Variants in XKR9 observed in about 807,000 individuals in gnomAD.
The protein encoded by XKR9 is XK-related protein 9.
XKR9 carries 32 observed loss-of-function variants against 32.0 expected under a neutral mutation model. The ratio of observed to expected loss-of-function variants is 1.00; its 90% CI spans 0.76 to 1.34. XKR9 has a LOEUF of 1.34. XKR9 is among the 40% of genes most tolerant of loss of function. XKR9 has a pLI of 0.00. For missense variants in XKR9, 546 were observed against 429.7 expected (o/e 1.27, Z -2.39); for synonymous variants, 168 against 143.4 (o/e 1.17, Z -1.22).
intron 2 of XKR9, among the ~76,000 whole-genome samples, chr8:70,757,357 T>A (rs1052613820): frequency 6.6e-6 from 1 of 152,192 alleles, no homozygotes; most frequent in African/African-American, 2.4e-5. Context: ...TCAATTTATC[T>A]TCCAGTTTGC....
chr8:70,703,234 A>AT (rs1422702079), intron 3 of XKR9, among the ~76,000 whole-genome samples: 6 of 141,076 alleles, frequency 4.3e-5, no homozygotes, highest in East Asian at 2.1e-4. Flanking sequence ...TGTTTTGTTC[A>AT]TTTTTTTTTC....
the XKR9 span, among the ~76,000 whole-genome samples, chr8:70,955,089 C>T: frequency 6.6e-6 from 1 of 152,182 alleles, no homozygotes; most frequent in Non-Finnish European, 1.5e-5. Flanking sequence ...AATTAAGAAA[C>T]TTCTGTTTCA....
the XKR9 span, among the ~76,000 whole-genome samples, chr8:71,021,526 G>C: frequency 7.9e-6 from 1 of 126,760 alleles, no homozygotes; most frequent in Non-Finnish European, 1.6e-5. Flanking sequence ...TTTTTGAGAC[G>C]GAGTTTCGCT....
chr8:70,827,004 T>C, the XKR9 span, among the ~76,000 whole-genome samples: 13 of 152,148 alleles, frequency 8.5e-5, no homozygotes, highest in Non-Finnish European at 4.4e-5. Context: ...TTTTAAAATT[T>C]GTTGTACATA....
the XKR9 span, among the ~76,000 whole-genome samples, chr8:70,845,362 A>G: frequency 6.6e-6 from 1 of 152,246 alleles, no homozygotes; most frequent in Admixed American, 6.5e-5. Flanking sequence ...ATCAGTGAAA[A>G]GACACAAGAA....
At chr8:70,698,977 A>T (rs1586828418) in intron 3 of XKR9, among the ~76,000 whole-genome samples, 1 of 152,098 alleles carries the variant, frequency 6.6e-6, no homozygotes, top group South Asian at 2.1e-4. Flanking sequence ...GTTGGTTTAA[A>T]GTCTCTTTTA....
At chr8:70,732,044 CACGACT>C (rs1175829497) in intron 4 of XKR9, among the ~76,000 whole-genome samples, 1 of 152,130 alleles carries the variant, frequency 6.6e-6, no homozygotes, top group Non-Finnish European at 1.5e-5. Flanking sequence ...GAGAGCCAAC[CACGACT>C]CCCAGGAGCT....
At chr8:70,873,127 C>T in the XKR9 span, among the ~76,000 whole-genome samples, 2 of 152,172 alleles carry the variant, frequency 1.3e-5, no homozygotes, top group Non-Finnish European at 2.9e-5. Flanking sequence ...TTTAAGCCCA[C>T]TGTTAAGACC....
intron 3 of XKR9, among the ~76,000 whole-genome samples, chr8:70,699,284 T>C (rs1391939005): frequency 6.6e-6 from 1 of 152,226 alleles, no homozygotes; most frequent in East Asian, 1.9e-4. Context: ...GCCTCGATGG[T>C]CTTTACAATT....
At chr8:70,969,095 C>G in the XKR9 span, among the ~76,000 whole-genome samples, 1 of 152,258 alleles carries the variant, frequency 6.6e-6, no homozygotes, top group African/African-American at 2.4e-5. Context: ...AGTTTATGAT[C>G]ATATTCCTTT....
At chr8:70,819,295 T>A in the XKR9 span, among the ~76,000 whole-genome samples, 1 of 152,242 alleles carries the variant, frequency 6.6e-6, no homozygotes, top group Non-Finnish European at 1.5e-5. Flanking sequence ...ATGACACTCC[T>A]GTTTCTCTAC....
intron 2 of XKR9, among the ~76,000 whole-genome samples, chr8:70,744,310 CA>C (rs5892236): frequency 0.54 from 79,934 of 148,026 alleles, 22,097 homozygotes; most frequent in Middle Eastern, 0.63. Flanking sequence ...GACTTCGCCT[CA>C]AAAAAAAAAA....
chr8:70,769,217 G>C (rs1212717565), intron 2 of XKR9, among the ~76,000 whole-genome samples: 5 of 151,778 alleles, frequency 3.3e-5, no homozygotes, highest in Non-Finnish European at 5.9e-5. Context: ...TGAAATTCTG[G>C]GTTGAAAAAT....
the XKR9 span, among the ~76,000 whole-genome samples, chr8:70,946,550 A>G: frequency 1.3e-5 from 2 of 152,218 alleles, no homozygotes; most frequent in African/African-American, 4.8e-5. Flanking sequence ...AAACTAAGGA[A>G]GGTTGAGTAG....
intron 4 of XKR9, among the ~76,000 whole-genome samples, chr8:70,726,509 A>G (rs973741941): frequency 6.6e-6 from 1 of 152,214 alleles, no homozygotes; most frequent in African/African-American, 2.4e-5. Flanking sequence ...AGCTGCAGGT[A>G]AGAATAGAGC....
the XKR9 span, among the ~76,000 whole-genome samples, chr8:70,975,558 G>A: frequency 6.6e-6 from 1 of 152,166 alleles, no homozygotes; most frequent in Non-Finnish European, 1.5e-5. Context: ...TAGTAGATGT[G>A]TGGTGTTATT....
the XKR9 span, among the ~76,000 whole-genome samples, chr8:70,868,270 G>T: frequency 5.9e-5 from 9 of 152,242 alleles, no homozygotes; most frequent in Admixed American, 1.3e-4. Context: ...GGGACTCTGT[G>T]TGGGGGCTCT....
At chr8:70,688,468 G>A (rs1208016423) in intron 3 of XKR9, among the ~76,000 whole-genome samples, 2 of 151,738 alleles carry the variant, frequency 1.3e-5, no homozygotes, top group African/African-American at 4.8e-5. Flanking sequence ...CCAGGCTGGA[G>A]TGCAGTGGTG....
the XKR9 span, among the ~76,000 whole-genome samples, chr8:70,960,395 T>G: frequency 5.9e-5 from 9 of 152,208 alleles, no homozygotes; most frequent in Non-Finnish European, 1.0e-4. Context: ...TTGGATATAC[T>G]TAAGCCTGGA....
Sources: allele counts gnomAD v4.1 joint callset (sites outside exome capture counted in the v4.1 genomes callset), GRCh38; gene constraint gnomAD v4.1.1; transcripts MANE v1.5; gene names NCBI Gene and HGNC (gene_info 2026-07-23, HGNC 2026-07-21).